SND1: variants seen among roughly 807,000 people sequenced by gnomAD.
The protein encoded by SND1 is staphylococcal nuclease domain-containing protein 1.
In SND1, 38 loss-of-function variants were observed where a neutral mutation model predicts 121.7. The observed-to-expected ratio is 0.31, with a 90% CI of 0.24 to 0.41. The LOEUF is 0.41. SND1 is among the 10% of genes least tolerant of loss of function. SND1 has a pLI of 1.00. For synonymous variants in SND1, 401 were observed against 447.4 expected (o/e 0.90, Z 1.31); for missense variants, 868 against 1,184.6 (o/e 0.73, Z 3.92).
chr7:128,033,686 C>T (rs1792694433), intron 16 of SND1, among the ~76,000 whole-genome samples: 1 of 152,152 alleles, frequency 6.6e-6, no homozygotes, highest in Non-Finnish European at 1.5e-5. Context: ...AAATAATAAC[C>T]TTGTTAGTTT....
Position 127,862,686 on chromosome 7 carries a change from C to T in SND1, c.1343+18262C>T, listed in dbSNP as rs762146364. 8.0e-4 allele frequency among the ~76,000 whole-genome samples: 122 copies of T among 152,300 alleles called. 3 individuals carry two copies. Among genetic ancestry groups the T allele is most frequent in the East Asian group, 7.7e-4 (4 of 5,186 alleles). Reference sequence around the variant, plus strand: ...CTTTGATTTCATGCATATCAGATAACGCTGGGCAGTTGCTGAAGCCATGAA... The same window carrying T: ...CTTTGATTTCATGCATATCAGATAATGCTGGGCAGTTGCTGAAGCCATGAA... On this transcript the variant is annotated intron_variant, in intron 12 of 23. Transcript: ENST00000354725.
chr7:128,043,563 C>T (rs1375022827), intron 16 of SND1, among the ~76,000 whole-genome samples: 1 of 151,276 alleles, frequency 6.6e-6, no homozygotes, highest in African/African-American at 2.4e-5. Flanking sequence ...CAGAGGGAGA[C>T]TCCATCTCAA....
intron 1 of SND1, among the ~76,000 whole-genome samples, chr7:127,668,454 G>A (rs1795457373): frequency 6.6e-6 from 1 of 152,154 alleles, no homozygotes; most frequent in Admixed American, 6.5e-5. Flanking sequence ...CAGTCTTCCT[G>A]TCTATGCTGG....
At chr7:128,016,794 G>A (rs1485582978) in intron 16 of SND1, among the ~76,000 whole-genome samples, 1 of 152,070 alleles carries the variant, frequency 6.6e-6, no homozygotes, top group Non-Finnish European at 1.5e-5. Flanking sequence ...TGTTACAATT[G>A]TTACTTAACC....
intron 12 of SND1, among the ~76,000 whole-genome samples, chr7:127,846,190 AGATAAT>A (rs1452261076): frequency 6.6e-6 from 1 of 152,216 alleles, no homozygotes; most frequent in Non-Finnish European, 1.5e-5. Context: ...TTTGTGCCAG[AGATAAT>A]GAACTTGAAT....
At chr7:127,905,385 AC>A (rs1346428322) in intron 14 of SND1, among the ~76,000 whole-genome samples, 1 of 152,190 alleles carries the variant, frequency 6.6e-6, no homozygotes, top group African/African-American at 2.4e-5. Context: ...TGTTTCTTTA[AC>A]TGTAAGGACT....
intron 11 of SND1, among the ~76,000 whole-genome samples, chr7:127,829,512 A>G (rs1798701114): frequency 6.6e-6 from 1 of 152,222 alleles, no homozygotes; most frequent in African/African-American, 2.4e-5. Flanking sequence ...GTGTTTGTCA[A>G]TGAAAACTCT....
At chr7:127,918,365 T>TGA (rs1800630831) in intron 14 of SND1, among the ~76,000 whole-genome samples, 1 of 152,082 alleles carries the variant, frequency 6.6e-6, no homozygotes. Context: ...CGCCCCCAGA[T>TGA]GACTTTTTTT....
chr7:127,758,912 G>C (rs1295009482), intron 10 of SND1, among the ~76,000 whole-genome samples: 2 of 152,028 alleles, frequency 1.3e-5, no homozygotes, highest in East Asian at 3.9e-4. Flanking sequence ...AAATTAGCTG[G>C]GCATGGTGGT....
chr7:128,074,395 C>T (rs902262020), intron 16 of SND1, 107 bp from the exon 17 acceptor site: 1 of 1,193,550 alleles, frequency 8.4e-7, no homozygotes, highest in African/African-American at 1.5e-5. Flanking sequence ...CAGCGGCTGC[C>T]AAGGCCTGTG....
intron 18 of SND1, among the ~76,000 whole-genome samples, chr7:128,084,329 G>A (rs1163813707): frequency 6.6e-6 from 1 of 152,182 alleles, no homozygotes. Flanking sequence ...AATGGGGTAC[G>A]GGCTGGCCAG....
chr7:127,800,370 A>G (rs1798104693), intron 10 of SND1, among the ~76,000 whole-genome samples: 1 of 152,234 alleles, frequency 6.6e-6, no homozygotes, highest in African/African-American at 2.4e-5. Context: ...AAAAATAAAA[A>G]TCAAACTTGT....
chr7:127,714,019 C>T (rs1195047787), intron 9 of SND1, among the ~76,000 whole-genome samples: 1 of 152,084 alleles, frequency 6.6e-6, no homozygotes. Context: ...GGCTTGGCTT[C>T]CCTGTTCCTG....
chr7:127,819,605 C>T (rs1257744391), intron 11 of SND1, among the ~76,000 whole-genome samples: 3 of 152,110 alleles, frequency 2.0e-5, no homozygotes, highest in African/African-American at 4.8e-5. Flanking sequence ...AGTCTGGAGT[C>T]CTGGCCTGAA....
intron 11 of SND1, among the ~76,000 whole-genome samples, chr7:127,840,883 T>C (rs1387695918): frequency 6.6e-6 from 1 of 152,254 alleles, no homozygotes; most frequent in African/African-American, 2.4e-5. Context: ...AATAACTGTT[T>C]AATCTCTGAC....
chr7:127,669,039 C>A (rs974202936), intron 1 of SND1, among the ~76,000 whole-genome samples: 1 of 152,184 alleles, frequency 6.6e-6, no homozygotes, highest in Admixed American at 6.5e-5. Flanking sequence ...GTTGCCCAGG[C>A]TGGAGTGCAG....
At chr7:127,872,851 A>G (rs1799623114) in intron 12 of SND1, among the ~76,000 whole-genome samples, 1 of 152,202 alleles carries the variant, frequency 6.6e-6, no homozygotes, top group Non-Finnish European at 1.5e-5. Flanking sequence ...GGGAAAATGA[A>G]TGTAGTTGGG....
chr7:127,669,030 T>C (rs986437991), intron 1 of SND1, among the ~76,000 whole-genome samples: 3 of 152,174 alleles, frequency 2.0e-5, no homozygotes, highest in African/African-American at 7.2e-5. Context: ...TCTTGCTCTG[T>C]TGCCCAGGCT....
intron 9 of SND1, among the ~76,000 whole-genome samples, chr7:127,720,994 TCTTAAG>T (rs372730409): frequency 6.6e-5 from 10 of 152,310 alleles, no homozygotes; most frequent in African/African-American, 2.4e-4. Flanking sequence ...GATTTCCAGT[TCTTAAG>T]CTTTGTAGTG....
Sources: allele counts gnomAD v4.1 joint callset (sites outside exome capture counted in the v4.1 genomes callset), GRCh38; gene constraint gnomAD v4.1.1; transcripts MANE v1.5; gene names NCBI Gene and HGNC (gene_info 2026-07-23, HGNC 2026-07-21).